The following PLEKHA2 variants were observed in gnomAD, a reference collection of about 807,000 sequenced individuals.
PLEKHA2 encodes pleckstrin homology domain-containing family A member 2.
A neutral mutation model predicts 53.2 loss-of-function variants in PLEKHA2; 28 were observed. The observed-to-expected ratio is 0.53, with a 90% CI of 0.39 to 0.72. The LOEUF (loss-of-function observed/expected upper bound fraction) is 0.72, where lower values mean the gene tolerates loss of function less well. Ranked by LOEUF, PLEKHA2 falls within the 30% of genes least tolerant of loss-of-function variation. The pLI, the probability that PLEKHA2 is intolerant of heterozygous loss-of-function variation, is 0.00. For missense variants in PLEKHA2, 426 were observed against 537.9 expected, an observed-to-expected ratio of 0.79 and a Z score of 2.06; for synonymous variants, 193 against 196.4, an observed-to-expected ratio of 0.98 and a Z score of 0.14.
chr8:38,939,388 C>T (rs185910312), intron 3 of PLEKHA2, among the ~76,000 whole-genome samples: 13 of 152,350 alleles, frequency 8.5e-5, no homozygotes, highest in Admixed American at 8.5e-4. Context: ...CAGAACCGAT[C>T]CTGTTAATTC....
intron 2 of PLEKHA2, among the ~76,000 whole-genome samples, chr8:38,933,792 AAAG>A: frequency 6.8e-6 from 1 of 147,192 alleles, no homozygotes; most frequent in Non-Finnish European, 1.5e-5. Context: ...AAAAAAAAAA[AAAG>A]AAAAGAAAGA....
chr8:38,952,277 A>G lies in PLEKHA2; in HGVS notation c.598A>G (p.Ile200Val). 6.2e-7 allele frequency: 1 copy of G among 1,612,880 alleles called. No homozygotes were observed. The highest frequency in any genetic ancestry group is 8.5e-7 in the Non-Finnish European group (1 of 1,179,546). ...CCGTGCTTCCACTGGGCCTCCCCTC[A>G]TTAAGAGTGGTTACTGCGTGAAGCA... Reference protein sequence around the residue: ...GCRASTGPPLIKSGYCVKQGN... With the variant: ...GCRASTGPPLVKSGYCVKQGN... Residue 200 changes from isoleucine (I) to valine (V), a missense_variant, in exon 7 of 12, where the codon ATT becomes GTT. By Grantham distance (29) the Ile-to-Val change is conservative. Coordinates refer to ENST00000617275, the MANE Select transcript of PLEKHA2 (RefSeq NM_021623.2).
At chr8:38,921,987 G>T (rs1834202852) in intron 2 of PLEKHA2, among the ~76,000 whole-genome samples, 1 of 152,160 alleles carries the variant, frequency 6.6e-6, no homozygotes, top group Admixed American at 6.5e-5. Flanking sequence ...ACTTCATTGG[G>T]TTTTTATTTC....
chr8:38,909,099 C>T (rs1039360845), intron 1 of PLEKHA2, among the ~76,000 whole-genome samples: 1 of 151,222 alleles, frequency 6.6e-6, no homozygotes, highest in African/African-American at 2.4e-5. Flanking sequence ...GCCGAGATGG[C>T]GCCACTGCAC....
At chr8:38,954,850 T>C (rs1011864761) in intron 9 of PLEKHA2, among the ~76,000 whole-genome samples, 4 of 151,930 alleles carry the variant, frequency 2.6e-5, no homozygotes, top group Admixed American at 6.6e-5. Flanking sequence ...CTGGCCAACA[T>C]AGCGAAACCC....
chr8:38,935,381 A>C (rs190542089), intron 2 of PLEKHA2, among the ~76,000 whole-genome samples: 254 of 152,106 alleles, frequency 1.7e-3, no homozygotes, highest in African/African-American at 5.9e-3. Flanking sequence ...TTACAGAAGG[A>C]AAAACTAAGG....
At chr8:38,918,685 G>A (rs533160469) in intron 2 of PLEKHA2, among the ~76,000 whole-genome samples, 9,526 of 111,852 alleles carry the variant, frequency 0.085, 391 homozygotes, top group Non-Finnish European at 0.11. Flanking sequence ...ACACCCCCAC[G>A]CACACCACAC....
At chr8:38,964,071 T>C (rs568339719) in intron 10 of PLEKHA2, among the ~76,000 whole-genome samples, 2 of 152,300 alleles carry the variant, frequency 1.3e-5, no homozygotes, top group East Asian at 1.9e-4. Context: ...TGGCCAGAAA[T>C]CTCTCTGGCC....
chr8:38,931,083 G>C (rs988062582), intron 2 of PLEKHA2, among the ~76,000 whole-genome samples: 2 of 152,166 alleles, frequency 1.3e-5, no homozygotes, highest in African/African-American at 4.8e-5. Flanking sequence ...TTTGAGATCA[G>C]CCTGGCCAAT....
chr8:38,949,091 G>A (rs1278629170), intron 5 of PLEKHA2, among the ~76,000 whole-genome samples: 8 of 152,000 alleles, frequency 5.3e-5, no homozygotes, highest in Admixed American at 4.6e-4. Flanking sequence ...GGCTAGTCTC[G>A]AACTCCCGAC....
At chr8:38,936,218 TGGCTGTAGAG>T (rs922280521) in intron 3 of PLEKHA2, among the ~76,000 whole-genome samples, 168 bp downstream of exon 3, 1 of 152,172 alleles carries the variant, frequency 6.6e-6, no homozygotes, top group Non-Finnish European at 1.5e-5. Context: ...TGCTAATGGG[TGGCTGTAGAG>T]GTATGTGGTT....
intron 10 of PLEKHA2, among the ~76,000 whole-genome samples, chr8:38,958,536 C>T (rs4733957): frequency 6.6e-5 from 10 of 151,848 alleles, no homozygotes; most frequent in African/African-American, 2.4e-4. Context: ...CTCCTTCCGC[C>T]GAGCCCAGCA....
chr8:38,945,410 C>T (rs1834695483), intron 4 of PLEKHA2, among the ~76,000 whole-genome samples: 1 of 152,178 alleles, frequency 6.6e-6, no homozygotes, highest in African/African-American at 2.4e-5. Context: ...CAAGCTTATG[C>T]TAAGAGAATA....
At chr8:38,915,153 G>T (rs1369527778) in intron 1 of PLEKHA2, among the ~76,000 whole-genome samples, 2 of 152,006 alleles carry the variant, frequency 1.3e-5, no homozygotes, top group African/African-American at 2.4e-5. Flanking sequence ...ACTGTGTTGC[G>T]CACGTTGGTC....
intron 1 of PLEKHA2, among the ~76,000 whole-genome samples, chr8:38,916,811 T>C (rs1032498391): frequency 2.0e-5 from 3 of 152,224 alleles, no homozygotes; most frequent in African/African-American, 4.8e-5. Context: ...CTGGATCATA[T>C]GGTAGATCTA....
At chr8:38,934,906 G>A (rs549318198) in intron 2 of PLEKHA2, among the ~76,000 whole-genome samples, 2 of 152,254 alleles carry the variant, frequency 1.3e-5, no homozygotes, top group South Asian at 4.1e-4. Flanking sequence ...AAACAGGACA[G>A]AGTCAGTGAG....
At chr8:38,913,534 G>A (rs1036114295) in intron 1 of PLEKHA2, among the ~76,000 whole-genome samples, 3 of 152,242 alleles carry the variant, frequency 2.0e-5, no homozygotes, top group Admixed American at 1.3e-4. Context: ...GGTGCCTCAA[G>A]AGTAGCGATA....
chr8:38,911,879 G>A (rs999271436), intron 1 of PLEKHA2, among the ~76,000 whole-genome samples: 4 of 152,256 alleles, frequency 2.6e-5, no homozygotes, highest in African/African-American at 4.8e-5. Flanking sequence ...GGGAGGCTAA[G>A]GCAGGAGGAT....
chr8:38,928,373 C>T (rs531275740), intron 2 of PLEKHA2, among the ~76,000 whole-genome samples: 4 of 151,836 alleles, frequency 2.6e-5, no homozygotes, highest in East Asian at 3.9e-4. Context: ...CGCAGCCTCC[C>T]GGATACCTGG....
Sources: allele counts gnomAD v4.1 joint callset (sites outside exome capture counted in the v4.1 genomes callset), GRCh38; gene constraint gnomAD v4.1.1; transcripts MANE v1.5; gene names NCBI Gene and HGNC (gene_info 2026-07-23, HGNC 2026-07-21).